Variants in ANAPC11 observed in about 807,000 individuals in gnomAD.
The protein encoded by ANAPC11 is anaphase promoting complex subunit 11.
ANAPC11 carries 5 observed loss-of-function variants against 11.8 expected under a neutral mutation model. That is an observed-to-expected ratio of 0.42 (90% CI 0.22 to 0.89). The LOEUF (loss-of-function observed/expected upper bound fraction) is 0.89. Among genes scored for constraint, ANAPC11 ranks in the 40% least tolerant of loss-of-function variants. The pLI is 0.28. For missense variants in ANAPC11, 68 were observed against 112.9 expected (o/e 0.60, Z 1.80); for synonymous variants, 45 against 41.0 (o/e 1.10, Z -0.38).
At chr17:81,890,896 G>C (rs1292601400), upstream of ANAPC11, 8 of 1,594,678 alleles carry the variant, frequency 5.0e-6, no homozygotes, top group Non-Finnish European at 6.8e-6. Context: ...GGCTACTCCG[G>C]ACCCTTCCTC....
intron 3 of ANAPC11, chr17:81,899,496 T>C (rs1174388481): frequency 1.9e-6 from 3 of 1,613,866 alleles, no homozygotes; most frequent in East Asian, 2.2e-5. Context: ...ATGTGACCTT[T>C]TTGGCATCAC....
chr17:81,894,389 C>T (rs1216871885), intron 2 of ANAPC11, 78 bp from the exon 3 acceptor site: 4 of 804,772 alleles, frequency 5.0e-6, no homozygotes, highest in Non-Finnish European at 8.3e-6. Flanking sequence ...CTGTGGCAGG[C>T]TTATACCTGT....
Position 81,900,058 on chromosome 17 carries a change from A to G in ANAPC11, c.248A>G (p.Lys83Arg). 1.9e-6 allele frequency: 3 copies of G among 1,612,694 alleles called. 1 individual carries two copies. The highest frequency in any genetic ancestry group is 2.5e-6 in the Non-Finnish European group (3 of 1,179,886). Residue 83 changes from lysine to arginine, a missense_variant, in exon 4 of 4, where the codon AAG becomes AGG. Transcript: ENST00000344877. ...CPMCRQEWKFKE is the reference protein window; with the variant it reads ...CPMCRQEWKFRE ...ATGTGCCGCCAGGAATGGAAGTTCA[A>G]GGAGTGAGGCCCGACCTGGCTCTCG...
rs760201654 is a variant in ANAPC11, at chr17:81,900,121, G to A, written c.*56G>A. ...CCTGAGACTCCTTCCTCATGCTGGC[G>A]CCGATGGCTGCTGGGGACAGCGCCC... On this transcript the variant is annotated 3_prime_UTR_variant, in exon 4 of 4. Coordinates refer to ENST00000344877, the MANE Select transcript of ANAPC11 (RefSeq NM_001002248.3). 1.1e-5 allele frequency: 18 copies of A among 1,604,078 alleles called. No individual in the cohort carries two copies. The highest frequency in any genetic ancestry group is 2.2e-5 in the East Asian group (1 of 44,618).
chr17:81,894,504 C>G lies in ANAPC11; in HGVS notation c.27C>G (p.Asn9Lys). Residue 9 changes from asparagine (N) to lysine (K), a missense_variant, in exon 3 of 4, where the codon AAC (asparagine) becomes AAG (lysine). Transcript: ENST00000344877. Reference protein sequence around the residue: MKVKIKCWNGVATWLWVAN... With the variant: MKVKIKCWKGVATWLWVAN... ...TGAAGGTGAAGATTAAGTGCTGGAA[C>G]GGCGTGGCCACTTGGCTCTGGGTGG... The G allele has an allele frequency of 6.2e-7, 1 of 1,612,856 alleles. No individual in the cohort carries two copies.
At chr17:81,891,028 A>G (rs2039513654), upstream of ANAPC11, 4 of 763,810 alleles carry the variant, frequency 5.2e-6, no homozygotes, top group South Asian at 7.5e-5. Context: ...CCCTTAGACT[A>G]ACTTCCCGCC....
chr17:81,894,633 C>T (rs754079065), intron 3 of ANAPC11, 47 bp downstream of exon 3: 18 of 1,338,360 alleles, frequency 1.3e-5, no homozygotes, highest in Admixed American at 7.3e-5. Context: ...CTGTGAGTGT[C>T]CCCTCTGTGC....
upstream of ANAPC11, chr17:81,891,285 C>A: frequency 8.9e-7 from 1 of 1,118,760 alleles, no homozygotes; most frequent in South Asian, 3.9e-5. Context: ...CCGGCTGGCC[C>A]CCTCCCACTC....
upstream of ANAPC11, chr17:81,891,529 C>T: frequency 7.0e-7 from 1 of 1,425,732 alleles, no homozygotes; most frequent in Non-Finnish European, 9.2e-7. Context: ...TTAATGATGT[C>T]GTCCAGAGAC....
At chr17:81,895,135 AC>A (rs1294215141) in intron 3 of ANAPC11, among the ~76,000 whole-genome samples, 1 of 142,236 alleles carries the variant, frequency 7.0e-6, no homozygotes, top group African/African-American at 2.7e-5. Flanking sequence ...GCTCACTGCA[AC>A]CTCCGCCTCC....
chr17:81,899,467 C>G, intron 3 of ANAPC11: 1 of 1,614,032 alleles, frequency 6.2e-7, no homozygotes, highest in Non-Finnish European at 8.5e-7. Context: ...TGCACGTCTC[C>G]TTGGTGCCTT....
chr17:81,900,021 C>CGGG lies in ANAPC11; in HGVS notation c.211_212insGGG (p.Gln71delinsArgGlu). 6.2e-7 allele frequency: 1 copy of CGGG among 1,612,772 alleles called. No homozygotes were observed. Among genetic ancestry groups the CGGG allele is most frequent in the Non-Finnish European group, 8.5e-7 (1 of 1,179,866 alleles). On this transcript the variant is annotated protein_altering_variant, in exon 4 of 4. Coordinates refer to ENST00000344877, the MANE Select transcript of ANAPC11 (RefSeq NM_001002248.3). ...GTGGCTGCACGCACAGCAGGTGCAG[C>CGGG]AGCACTGCCCCATGTGCCGCCAGGA...
Position 81,891,739 on chromosome 17 carries a change from G to T in ANAPC11, c.-177G>T. ...GGGAGGCGCGTGCGCACTGGCGTGC[G>T]AGACTCGGCGGGCGCTGTTGAGGGA... On this transcript the variant is annotated 5_prime_UTR_variant, in exon 1 of 4. Coordinates refer to ENST00000344877, the MANE Select transcript of ANAPC11 (RefSeq NM_001002248.3). The T allele has an allele frequency of 1.9e-6, 1 of 540,128 alleles. No homozygotes were observed. Among genetic ancestry groups the T allele is most frequent in the Non-Finnish European group, 2.6e-6 (1 of 378,728 alleles). The allele number at this position is 540,128 out of a possible 1,614,324, so 33.5% of individuals were successfully genotyped here. A position where few individuals can be genotyped will look rare whatever the true frequency, so the allele number is the denominator to read the frequency against.
At chr17:81,892,891 T>C (rs1384724686) in intron 1 of ANAPC11, among the ~76,000 whole-genome samples, 1 of 152,142 alleles carries the variant, frequency 6.6e-6, no homozygotes, top group South Asian at 2.1e-4. Flanking sequence ...AGGGTCTCCC[T>C]CCGTCACCCA....
chr17:81,894,390 T>A, intron 2 of ANAPC11, 77 bp from the exon 3 acceptor site: 1 of 815,640 alleles, frequency 1.2e-6, no homozygotes, highest in East Asian at 2.6e-5. Context: ...TGTGGCAGGC[T>A]TATACCTGTG....
chr17:81,896,655 T>G (rs940571994), intron 3 of ANAPC11, among the ~76,000 whole-genome samples: 1 of 152,026 alleles, frequency 6.6e-6, no homozygotes, highest in Admixed American at 6.6e-5. Flanking sequence ...ACCAGGCGTA[T>G]TTTTGTAGGG....
chr17:81,893,167 G>C (rs1016851286), intron 1 of ANAPC11: 1 of 152,090 alleles, frequency 6.6e-6, no homozygotes, highest in Non-Finnish European at 1.5e-5. Context: ...ATCTCAGCTC[G>C]CTGCAACCTC....
intron 3 of ANAPC11, among the ~76,000 whole-genome samples, chr17:81,895,341 G>A (rs573271725): frequency 3.0e-4 from 46 of 151,834 alleles, no homozygotes; most frequent in Non-Finnish European, 4.9e-4. Context: ...GCGAACCACC[G>A]TGCCCCCCCC....
intron 3 of ANAPC11, chr17:81,894,907 G>T: frequency 7.6e-6 from 2 of 264,604 alleles, no homozygotes; most frequent in Middle Eastern, 1.1e-3. Context: ...TAGTAGAGAC[G>T]GGGTTTTGCC....
Sources: allele counts gnomAD v4.1 joint callset (sites outside exome capture counted in the v4.1 genomes callset), GRCh38; gene constraint gnomAD v4.1.1; transcripts MANE v1.5; gene names NCBI Gene and HGNC (gene_info 2026-07-23, HGNC 2026-07-21).